Variants in UBE3C observed in about 807,000 individuals in gnomAD.
UBE3C encodes ubiquitin protein ligase E3C.
UBE3C carries 42 observed loss-of-function variants against 129.4 expected under a neutral mutation model. That is an observed-to-expected ratio of 0.32 (90% confidence interval 0.25 to 0.42). The LOEUF (loss-of-function observed/expected upper bound fraction) is 0.42, where lower values mean the gene tolerates loss of function less well. UBE3C is among the 10% of genes least tolerant of loss of function. The pLI is 1.00. For missense variants in UBE3C, 1,049 were observed against 1,319.1 expected (o/e 0.80, Z 3.17); for synonymous variants, 510 against 492.4 (o/e 1.04, Z -0.47).
chr7:157,250,696 G>T (rs1351733485), intron 19 of UBE3C, among the ~76,000 whole-genome samples: 1 of 152,116 alleles, frequency 6.6e-6, no homozygotes, highest in African/African-American at 2.4e-5. Context: ...CCATAGAGCT[G>T]AATTTTCACC....
intron 1 of UBE3C, among the ~76,000 whole-genome samples, chr7:157,154,792 A>G (rs1471204692): frequency 6.6e-6 from 1 of 152,222 alleles, no homozygotes; most frequent in Admixed American, 6.5e-5. Flanking sequence ...AGGAACAAAG[A>G]AATCTATAAC....
intron 1 of UBE3C, among the ~76,000 whole-genome samples, chr7:157,161,314 G>A (rs1347470222): frequency 1.3e-5 from 2 of 152,042 alleles, no homozygotes; most frequent in African/African-American, 4.8e-5. Context: ...AAAAATTAAA[G>A]AATATTAAGT....
At chr7:157,217,696 G>A (rs557496415) in intron 14 of UBE3C, among the ~76,000 whole-genome samples, 4 of 152,252 alleles carry the variant, frequency 2.6e-5, no homozygotes, top group African/African-American at 9.6e-5. Context: ...AATCAGCCGG[G>A]CGTGGTGGCA....
intron 10 of UBE3C, among the ~76,000 whole-genome samples, chr7:157,199,345 C>G (rs1230986521): frequency 6.6e-6 from 1 of 152,096 alleles, no homozygotes; most frequent in African/African-American, 2.4e-5. Context: ...CGTTAACACT[C>G]TTATCAGGCA....
chr7:157,161,879 C>G (rs1474901665), intron 1 of UBE3C, among the ~76,000 whole-genome samples: 1 of 151,876 alleles, frequency 6.6e-6, no homozygotes, highest in African/African-American at 2.4e-5. Context: ...CGAGACCAGC[C>G]TGGCCAATGT....
intron 18 of UBE3C, among the ~76,000 whole-genome samples, chr7:157,237,978 A>G (rs183090091): frequency 3.0e-4 from 45 of 151,860 alleles, no homozygotes; most frequent in African/African-American, 9.7e-4. Flanking sequence ...CTTGAGCCTG[A>G]AATGTAGAGG....
chr7:157,224,792 A>ACACT (rs769953235), intron 16 of UBE3C, among the ~76,000 whole-genome samples: 226 of 139,248 alleles, frequency 1.6e-3, no homozygotes, highest in South Asian at 9.0e-3. Flanking sequence ...ACACACACAC[A>ACACT]CTCTCTCTCT....
chr7:157,180,234 A>G (rs560194567), intron 6 of UBE3C, among the ~76,000 whole-genome samples: 1 of 152,244 alleles, frequency 6.6e-6, no homozygotes, highest in Non-Finnish European at 1.5e-5. Context: ...ATTCTGTGCC[A>G]TGAAGCTTTT....
intron 18 of UBE3C, among the ~76,000 whole-genome samples, chr7:157,240,293 GATCCGCCCACCTCA>G (rs1189431468): frequency 1.1e-4 from 16 of 152,102 alleles, no homozygotes. Flanking sequence ...GGCCTCAAGT[GATCCGCCCACCTCA>G]GCCTCCCAAA....
chr7:157,147,045 A>C lies in UBE3C; in HGVS notation c.66+7707A>C, dbSNP rs137976602. On this transcript the variant is annotated intron_variant, in intron 1 of 22. Transcript: ENST00000348165. ...TGTGGATCTTTTGCCTCTCCATAAG[A>C]GTCAGTTTGTTGATATTCACAAAAA... is the stretch of plus-strand genomic sequence containing the variant. 6.8e-3 allele frequency among the ~76,000 whole-genome samples: 1,040 copies of C among 152,046 alleles called. 4 individuals carry two copies. Among genetic ancestry groups the C allele is most frequent in the Non-Finnish European group, 0.011 (738 of 67,956 alleles).
chr7:157,220,728 A>C lies in UBE3C; in HGVS notation c.1954A>C (p.Arg652=). 1.2e-6 allele frequency: 2 copies of C among 1,614,160 alleles called. No individual in the cohort carries two copies. The highest frequency in any genetic ancestry group is 8.5e-7 in the Non-Finnish European group (1 of 1,180,008). The change falls in exon 15 of 23, where the codon AGG becomes CGG. Residue 652 remains arginine, a synonymous_variant. Transcript: ENST00000348165. The part of the protein sequence containing the change: ...LYVPASRHVW[R]FRRMGRIGPL... ...TGTGCCAGCATCCAGACATGTGTGG[A>C]GGTTCCGGCGGATGGGGAGGATAGG... is the stretch of plus-strand genomic sequence containing the variant.
At chr7:157,255,695 C>G (rs1200417994) in intron 21 of UBE3C, among the ~76,000 whole-genome samples, 1 of 152,150 alleles carries the variant, frequency 6.6e-6, no homozygotes, top group Non-Finnish European at 1.5e-5. Flanking sequence ...AATTAATGCA[C>G]TTAAGACATT....
intron 13 of UBE3C, among the ~76,000 whole-genome samples, chr7:157,209,256 T>C (rs1419078693): frequency 6.6e-6 from 1 of 152,192 alleles, no homozygotes; most frequent in African/African-American, 2.4e-5. Flanking sequence ...ACAACACATT[T>C]CTCTTAGGAG....
At chr7:157,260,521 C>CT (rs1370676684) in intron 22 of UBE3C, among the ~76,000 whole-genome samples, 1 of 152,150 alleles carries the variant, frequency 6.6e-6, no homozygotes, top group Non-Finnish European at 1.5e-5. Flanking sequence ...GTGCTGGGGA[C>CT]TAAAGAGCAG....
At chr7:157,179,251 A>C (rs1238771072) in intron 6 of UBE3C, among the ~76,000 whole-genome samples, 3 of 152,044 alleles carry the variant, frequency 2.0e-5, no homozygotes, top group Admixed American at 6.6e-5. Flanking sequence ...GTATGAGTTG[A>C]ACATCACTCC....
At chr7:157,233,275 A>G (rs1200960834) in intron 18 of UBE3C, among the ~76,000 whole-genome samples, 1 of 152,086 alleles carries the variant, frequency 6.6e-6, no homozygotes, top group African/African-American at 2.4e-5. Context: ...CATTGTATGG[A>G]TATACCACAC....
At chr7:157,184,173 A>T in intron 9 of UBE3C, 144 bp downstream of exon 9, 1 of 1,035,464 alleles carries the variant, frequency 9.7e-7, no homozygotes, top group South Asian at 1.7e-5. Context: ...CCCCACTACC[A>T]CAGTTTCTAG....
At chr7:157,240,389 G>C (rs1796279553) in intron 18 of UBE3C, among the ~76,000 whole-genome samples, 2 of 152,302 alleles carry the variant, frequency 1.3e-5, no homozygotes, top group Admixed American at 6.5e-5. Flanking sequence ...TAATAAGTGT[G>C]ACTCTGATGC....
At chr7:157,172,108 C>T (rs368862781) in intron 4 of UBE3C, among the ~76,000 whole-genome samples, 1 of 151,458 alleles carries the variant, frequency 6.6e-6, no homozygotes, top group Non-Finnish European at 1.5e-5. Context: ...TCTCAGCTCA[C>T]CGCAACCTCG....
Sources: allele counts gnomAD v4.1 joint callset (sites outside exome capture counted in the v4.1 genomes callset), GRCh38; gene constraint gnomAD v4.1.1; transcripts MANE v1.5; gene names NCBI Gene and HGNC (gene_info 2026-07-23, HGNC 2026-07-21).